The following DTWD2 variants were observed in gnomAD, a reference collection of about 807,000 sequenced individuals.
The protein encoded by DTWD2 is tRNA-uridine aminocarboxypropyltransferase 2.
DTWD2 carries 39 observed loss-of-function variants against 31.8 expected under a neutral mutation model. The ratio of observed to expected loss-of-function variants is 1.22; its 90% CI spans 0.95 to 1.60. The LOEUF (loss-of-function observed/expected upper bound fraction) is 1.60. Among genes scored for constraint, DTWD2 ranks in the 40% most tolerant of loss-of-function variants. DTWD2 has a pLI of 0.00. For synonymous variants in DTWD2, 180 were observed against 142.8 expected (o/e 1.26, Z -1.86); for missense variants, 515 against 381.5 (o/e 1.35, Z -2.92).
At chr5:118,945,034 A>G (rs1390601235) in intron 1 of DTWD2, among the ~76,000 whole-genome samples, 1 of 152,230 alleles carries the variant, frequency 6.6e-6, no homozygotes, top group Non-Finnish European at 1.5e-5. Flanking sequence ...CTTTAAGTTG[A>G]GTAAACAATA....
chr5:118,874,906 A>T (rs1479263513), intron 4 of DTWD2, among the ~76,000 whole-genome samples: 1 of 152,180 alleles, frequency 6.6e-6, no homozygotes, highest in Non-Finnish European at 1.5e-5. Flanking sequence ...CAAGACTGAT[A>T]ATCATCAGAT....
At position 118,987,662 on chromosome 5, in the gene DTWD2, C is replaced by A. The variant is rs150081384; in HGVS notation, c.218+632G>T. On this transcript the variant is annotated intron_variant, in intron 1 of 5. Transcript: ENST00000510708. ...AGAGAATACTCTACAAAAACATGAA[C>A]TCCACTGCATTGTCAGTGATTACCA... 2.9e-4 allele frequency among the ~76,000 whole-genome samples: 44 copies of A among 152,326 alleles called. No homozygotes were observed. The East Asian group carries it at 7.9e-3, about 27-fold the overall frequency.
chr5:118,921,618 T>C (rs929765228), intron 4 of DTWD2, among the ~76,000 whole-genome samples: 2 of 151,968 alleles, frequency 1.3e-5, no homozygotes, highest in Non-Finnish European at 2.9e-5. Context: ...CACTCAAGGG[T>C]TGTGGCTCTC....
At position 118,891,572 on chromosome 5, in the gene DTWD2, A is replaced by G. The variant is rs575473979; in HGVS notation, c.597+36965T>C. 3.9e-5 allele frequency among the ~76,000 whole-genome samples: 6 copies of G among 152,332 alleles called. No individual in the cohort carries two copies. The South Asian group carries it at 1.2e-3, about 32-fold the overall frequency. ...TCTCTGAATAATGTACTCCTCTGAA[A>G]GAATGCAAGCAATTAGAGGCTTAAA... On this transcript the variant is annotated intron_variant, in intron 4 of 5. Transcript: ENST00000510708.
Position 118,857,765 on chromosome 5 carries a change from C to G in DTWD2, c.598-9547G>C, listed in dbSNP as rs1037939307. Among the ~76,000 whole-genome samples the G allele has an allele frequency of 6.1e-4, 93 of 152,170 alleles. 7 individuals are homozygous for G. The highest frequency in any genetic ancestry group is 1.5e-5 in the Non-Finnish European group (1 of 68,024). The stretch of plus-strand genomic sequence containing the variant: ...AGTGCTGGGCATGTGCCTGTTCCCA[C>G]TAGCCAGAGTGGAAAATCTGATGAT... On this transcript the variant is annotated intron_variant, in intron 4 of 5. Transcript: ENST00000510708.
intron 4 of DTWD2, among the ~76,000 whole-genome samples, chr5:118,850,477 CAAAAAAAAAAAAAAAAAAAA>C (rs34808087): frequency 6.6e-5 from 2 of 30,466 alleles, no homozygotes; most frequent in African/African-American, 1.0e-4. Context: ...GACCCCACCA[CAAAAAAAAAAAAAAAAAAAA>C]AAAAAAAAAA....
At chr5:118,916,068 T>G (rs970203106) in intron 4 of DTWD2, among the ~76,000 whole-genome samples, 1 of 152,134 alleles carries the variant, frequency 6.6e-6, no homozygotes, top group Non-Finnish European at 1.5e-5. Context: ...AGCCACTCAC[T>G]CACATTTCAG....
chr5:118,929,170 T>A (rs1168964579), intron 3 of DTWD2, among the ~76,000 whole-genome samples: 1 of 152,224 alleles, frequency 6.6e-6, no homozygotes, highest in African/African-American at 2.4e-5. Flanking sequence ...AAAGAGAAGT[T>A]CGGTTGCATA....
intron 4 of DTWD2, among the ~76,000 whole-genome samples, chr5:118,865,614 A>G (rs777101698): frequency 3.3e-5 from 5 of 152,230 alleles, no homozygotes; most frequent in Non-Finnish European, 7.3e-5. Context: ...TGAAAATTTT[A>G]AGAAAGACAA....
chr5:118,930,741 A>G (rs1240051696), intron 3 of DTWD2, among the ~76,000 whole-genome samples: 1 of 152,214 alleles, frequency 6.6e-6, no homozygotes, highest in African/African-American at 2.4e-5. Context: ...GCCAGTCACA[A>G]AAGTCCAAAT....
chr5:118,907,512 C>T (rs1753361444), intron 4 of DTWD2, among the ~76,000 whole-genome samples: 1 of 152,132 alleles, frequency 6.6e-6, no homozygotes, highest in African/African-American at 2.4e-5. Context: ...GGGCAGATCA[C>T]TTGAGGTCAG....
At chr5:118,963,603 C>T (rs529674476) in intron 1 of DTWD2, among the ~76,000 whole-genome samples, 1 of 152,252 alleles carries the variant, frequency 6.6e-6, no homozygotes, top group Admixed American at 6.5e-5. Flanking sequence ...ATATAAAGAA[C>T]TTCATTAAAA....
intron 1 of DTWD2, among the ~76,000 whole-genome samples, chr5:118,959,372 C>T (rs918103671): frequency 1.4e-4 from 21 of 152,032 alleles, no homozygotes; most frequent in African/African-American, 5.1e-4. Flanking sequence ...AATAAAAATA[C>T]TTAGGAATAT....
chr5:118,875,513 C>T (rs1269576242), intron 4 of DTWD2, among the ~76,000 whole-genome samples: 1 of 128,418 alleles, frequency 7.8e-6, no homozygotes, highest in African/African-American at 3.0e-5. Context: ...GAAAAATCTA[C>T]CAAGCAAATA....
At chr5:118,953,897 T>C (rs1754521940) in intron 1 of DTWD2, among the ~76,000 whole-genome samples, 1 of 152,198 alleles carries the variant, frequency 6.6e-6, no homozygotes, top group Admixed American at 6.5e-5. Context: ...CAACTGGTGC[T>C]CTGCCTGGTA....
intron 1 of DTWD2, among the ~76,000 whole-genome samples, chr5:118,968,573 G>A (rs953792147): frequency 1.3e-5 from 2 of 152,132 alleles, no homozygotes; most frequent in Admixed American, 6.5e-5. Flanking sequence ...GTGAGTGTGC[G>A]ACCCCACCCA....
rs529715911 is a variant in DTWD2 at position 118,921,497 on chromosome 5, G to T, written c.597+7040C>A. On this transcript the variant is annotated intron_variant, in intron 4 of 5. Transcript: ENST00000510708. ...ATCACACCCGTGTACTCCAGTCTAG[G>T]CAACAGAGCAAGACCCCATCTCTTA... Among the ~76,000 whole-genome samples the T allele has an allele frequency of 4.1e-3, 615 of 148,694 alleles. 8 individuals are homozygous for T. The highest frequency in any genetic ancestry group is 0.03 in the East Asian group (151 of 5,096).
chr5:118,971,870 C>T (rs975682661), intron 1 of DTWD2, among the ~76,000 whole-genome samples: 1 of 152,124 alleles, frequency 6.6e-6, no homozygotes, highest in African/African-American at 2.4e-5. Flanking sequence ...ACCTGAATGA[C>T]TCCTTGATAA....
At chr5:118,920,292 G>A (rs1015890006) in intron 4 of DTWD2, among the ~76,000 whole-genome samples, 3 of 151,758 alleles carry the variant, frequency 2.0e-5, no homozygotes, top group African/African-American at 7.3e-5. Context: ...CTGTCATCCT[G>A]TTTCTTTTTT....
Sources: allele counts gnomAD v4.1 joint callset (sites outside exome capture counted in the v4.1 genomes callset), GRCh38; gene constraint gnomAD v4.1.1; transcripts MANE v1.5; gene names NCBI Gene and HGNC (gene_info 2026-07-23, HGNC 2026-07-21).